NEK1: variants seen among roughly 807,000 people sequenced by gnomAD.
NEK1 encodes the protein NIMA related kinase 1, also known as serine/threonine-protein kinase Nek1.
Under a neutral mutation model 182.1 loss-of-function variants are expected in NEK1, and 137 were observed. The observed-to-expected ratio is 0.75, with a 90% CI of 0.65 to 0.87. The LOEUF is 0.87. Among genes scored for constraint, NEK1 ranks in the 40% least tolerant of loss-of-function variants. NEK1 has a pLI of 0.00. For missense variants in NEK1, 1,391 were observed against 1,494.4 expected (o/e 0.93, Z 1.14); for synonymous variants, 513 against 492.2 (o/e 1.04, Z -0.56).
At chr4:169,506,844 T>C (rs200185959) in intron 23 of NEK1, 193 bp downstream of exon 23, 12 of 321,704 alleles carry the variant, frequency 3.7e-5, no homozygotes, top group East Asian at 3.4e-4. Context: ...AACTTCCACA[T>C]TGATTATTCT....
Position 169,555,776 on chromosome 4 carries a change from A to G in NEK1, c.1506T>C (p.Asp502=). 1.2e-6 allele frequency: 2 copies of G among 1,613,904 alleles called. No individual in the cohort carries two copies. The highest frequency in any genetic ancestry group is 1.7e-6 in the Non-Finnish European group (2 of 1,179,810). ...AGHHHFPDAD[D]IRKTLKRLKA... is the part of the protein sequence containing the mutation. ...TCAATCTTTTCAAAGTTTTTCTAAT[A>G]TCATCAGCATCAGGAAAATGGTGAT... Residue 502 remains aspartate (D), a synonymous_variant, in exon 18 of 36, where the codon GAT becomes GAC. Coordinates refer to ENST00000507142, the MANE Select transcript of NEK1 (RefSeq NM_001199397.3).
chr4:169,465,286 A>G (rs1335968554), intron 26 of NEK1, among the ~76,000 whole-genome samples: 1 of 152,122 alleles, frequency 6.6e-6, no homozygotes, highest in Non-Finnish European at 1.5e-5. Context: ...CAAAACTGGG[A>G]TAACTAAATG....
chr4:169,597,419 G>T (rs892112388), intron 5 of NEK1, among the ~76,000 whole-genome samples: 3 of 151,914 alleles, frequency 2.0e-5, no homozygotes, highest in Non-Finnish European at 4.4e-5. Flanking sequence ...TTTGAGAACA[G>T]CCTGGGCAAT....
intron 35 of NEK1, among the ~76,000 whole-genome samples, chr4:169,398,300 G>GTTT (rs531913100): frequency 7.0e-6 from 1 of 143,760 alleles, no homozygotes. Flanking sequence ...TAAGACTTGA[G>GTTT]TTTTTTTTTT....
chr4:169,406,655 A>G lies in NEK1; in HGVS notation c.3315T>C (p.Leu1105=), dbSNP rs1231142398. ...TTTCATCTTCAATTTCATCTATTTC[A>G]AGATTGTCTTGACGAACATCTCCTA... ...PTVGDVRQDN[L]EIDEIEDENI... Residue 1105 remains leucine, a synonymous_variant, in exon 32 of 36, where the codon CTT becomes CTC. Coordinates refer to ENST00000507142, the MANE Select transcript of NEK1 (RefSeq NM_001199397.3). 1 of 1,608,988 alleles carries G rather than the reference A, an allele frequency of 6.2e-7. No individual in the cohort carries two copies. Among genetic ancestry groups the G allele is most frequent in the African/African-American group, 1.3e-5 (1 of 74,732 alleles).
intron 31 of NEK1, among the ~76,000 whole-genome samples, chr4:169,416,433 C>G (rs537064554): frequency 6.6e-6 from 1 of 152,282 alleles, no homozygotes; most frequent in Non-Finnish European, 1.5e-5. Flanking sequence ...AAGGTAAATA[C>G]AAAAGTCTTC....
rs573698569 is a variant in NEK1 at position 169,474,582 on chromosome 4, C to A, written c.2434+2542G>T. ...ACTGCTTTTACCAAGCTCACATTGC[C>A]TCTTCTCTGACGAATCCAGTGTATA... On this transcript the variant is annotated intron_variant, in intron 26 of 35. Transcript: ENST00000507142. Among the ~76,000 whole-genome samples, 5 of 152,318 alleles carry A rather than the reference C, an allele frequency of 3.3e-5. No individual in the cohort carries two copies. The South Asian group carries it at 1.0e-3, about 32-fold the overall frequency.
chr4:169,511,515 T>C (rs1239047275), intron 19 of NEK1, among the ~76,000 whole-genome samples: 1 of 152,088 alleles, frequency 6.6e-6, no homozygotes, highest in Admixed American at 6.6e-5. Context: ...GTTTGAAATA[T>C]TATAGATATA....
intron 27 of NEK1, among the ~76,000 whole-genome samples, chr4:169,441,761 C>G (rs922349327): frequency 6.6e-6 from 1 of 151,720 alleles, no homozygotes; most frequent in Admixed American, 6.6e-5. Context: ...AGCACCCACA[C>G]ACATCATCTA....
At chr4:169,527,665 A>C (rs1757079853) in intron 19 of NEK1, among the ~76,000 whole-genome samples, 1 of 152,196 alleles carries the variant, frequency 6.6e-6, no homozygotes, top group Admixed American at 6.5e-5. Context: ...AAAGAAAAAT[A>C]TAGTCAAAAT....
At chr4:169,476,630 C>T (rs1451265571) in intron 26 of NEK1, among the ~76,000 whole-genome samples, 7 of 152,036 alleles carry the variant, frequency 4.6e-5, no homozygotes, top group Admixed American at 3.3e-4. Flanking sequence ...CACAAGAGCA[C>T]ATATGTTTCT....
chr4:169,526,393 G>A (rs1321525690), intron 19 of NEK1, among the ~76,000 whole-genome samples: 1 of 152,158 alleles, frequency 6.6e-6, no homozygotes, highest in Non-Finnish European at 1.5e-5. Flanking sequence ...GGAGGCTGAG[G>A]TGGGAGGATC....
Position 169,401,755 on chromosome 4 carries a change from G to C in NEK1, c.3480C>G (p.Val1160=). 1 of 1,613,890 alleles carries C rather than the reference G, an allele frequency of 6.2e-7. No individual in the cohort carries two copies. The change falls in exon 33 of 36, where the codon GTC becomes GTG. Residue 1160 remains valine, a synonymous_variant. Transcript: ENST00000507142. ...GEEYSEEEES[V]LKNSDVEPTA... ...TTGGCTCCACATCACTGTTCTTCAA[G>C]ACTGACTCTTCTTCTTCACTGTATT...
chr4:169,492,365 G>C (rs1326077746), intron 23 of NEK1, among the ~76,000 whole-genome samples: 2 of 152,190 alleles, frequency 1.3e-5, no homozygotes, highest in Non-Finnish European at 2.9e-5. Flanking sequence ...AGAAGATTGG[G>C]TGGAGAGAAA....
chr4:169,538,828 C>T (rs1322299279), intron 18 of NEK1, among the ~76,000 whole-genome samples: 1 of 152,146 alleles, frequency 6.6e-6, no homozygotes, highest in Non-Finnish European at 1.5e-5. Context: ...AAATAAATCT[C>T]AGTCTCCTAG....
intron 31 of NEK1, among the ~76,000 whole-genome samples, chr4:169,423,248 C>A (rs1735783654): frequency 6.6e-6 from 1 of 151,934 alleles, no homozygotes; most frequent in Non-Finnish European, 1.5e-5. Flanking sequence ...GATTACAGGC[C>A]CACACGACCA....
At chr4:169,591,983 G>C (rs1768591652) in intron 5 of NEK1, among the ~76,000 whole-genome samples, 3 of 151,566 alleles carry the variant, frequency 2.0e-5, no homozygotes, top group African/African-American at 7.3e-5. Context: ...GCAAATGACG[G>C]GGCGAAAAAA....
At chr4:169,495,867 G>T (rs1751153757) in intron 23 of NEK1, among the ~76,000 whole-genome samples, 1 of 152,128 alleles carries the variant, frequency 6.6e-6, no homozygotes, top group Non-Finnish European at 1.5e-5. Flanking sequence ...TTTGGCTTAG[G>T]ATTGACTTGG....
In NEK1 at chr4:169,544,259, C is replaced by T. The variant is rs560680373; in HGVS notation, c.1563-6348G>A. 9.9e-5 allele frequency among the ~76,000 whole-genome samples: 15 copies of T among 152,212 alleles called. No homozygotes were observed. The South Asian group carries it at 1.5e-3, about 15-fold the overall frequency. ...TTTGTCATTAGTTCTGTTTATGTGA[C>T]GGATCATGTTTATTGATTTGTGGAT... On this transcript the variant is annotated intron_variant, in intron 18 of 35. Transcript: ENST00000507142.
Sources: allele counts gnomAD v4.1 joint callset (sites outside exome capture counted in the v4.1 genomes callset), GRCh38; gene constraint gnomAD v4.1.1; transcripts MANE v1.5; gene names NCBI Gene and HGNC (gene_info 2026-07-23, HGNC 2026-07-21).